Variants in DCTN1 observed in about 807,000 individuals in gnomAD.
DCTN1 encodes the protein 150 kDa dynein-associated polypeptide.
Under a neutral mutation model 161.2 loss-of-function variants are expected in DCTN1, and 61 were observed. The ratio of observed to expected loss-of-function variants is 0.38; its 90% CI spans 0.31 to 0.47. DCTN1 has a LOEUF of 0.47. DCTN1 is among the 20% of genes least tolerant of loss of function. DCTN1 has a pLI of 0.99. For synonymous variants in DCTN1, 653 were observed against 632.4 expected (o/e 1.03, Z -0.49); for missense variants, 1,404 against 1,623.7 (o/e 0.86, Z 2.33).
At position 74,362,088 on chromosome 2, in the gene DCTN1, A is replaced by C; in HGVS notation, c.3663T>G (p.Thr1221=). 6.2e-7 allele frequency: 1 copy of C among 1,613,874 alleles called. No homozygotes were observed. ...CTGATGAAGGGAAGGTGGCAAAGTCAGTGGGTACTGTGGCTCCAGGGCGCT... is the reference window on the plus strand; with the variant it reads ...CTGATGAAGGGAAGGTGGCAAAGTCCGTGGGTACTGTGGCTCCAGGGCGCT... ...VSQRPGATVP[T]DFATFPSSAF... Residue 1221 remains threonine, a synonymous_variant, in exon 31 of 32, where the codon ACT becomes ACG. Transcript: ENST00000628224.
chr2:74,369,508 T>C lies in DCTN1; in HGVS notation c.1393-17A>G, dbSNP rs1239574227. 5.6e-6 allele frequency: 9 copies of C among 1,609,726 alleles called. No individual in the cohort carries two copies. The highest frequency in any genetic ancestry group is 3.3e-5 in the Admixed American group (2 of 59,984). On this transcript the variant is annotated splice_polypyrimidine_tract_variant and intron_variant, in intron 13 of 31. Coordinates refer to ENST00000628224, the MANE Select transcript of DCTN1 (RefSeq NM_004082.5). The surrounding 1 kb of genome is among the most constrained non-coding windows in gnomAD (Gnocchi z 4.9). ...CATCGCTTCCTAGGACACCACACCA[T>C]AGTTTGGGCTAAAGAAAGGCAGGGT...
rs1486314155 is a variant in DCTN1 at position 74,377,689 on chromosome 2, G to T, written c.317C>A (p.Pro106Gln). 2.5e-6 allele frequency: 4 copies of T among 1,614,104 alleles called. No homozygotes were observed. The Admixed American group carries it at 6.7e-5, about 27-fold the overall frequency. ...VFEDGADTTS[P>Q]ETPDSSASKV... is the part of the protein sequence containing the mutation. ...TGAAGCAGAAGAATCAGGTGTCTCT[G>T]GGGAAGTAGTATCTGCTCCATCTTC... The change falls in exon 3 of 32, where the codon CCA becomes CAA. Residue 106 changes from proline to glutamine, a missense_variant. Coordinates refer to ENST00000628224, the MANE Select transcript of DCTN1 (RefSeq NM_004082.5).
rs549294474 is a variant in DCTN1, at chr2:74,363,235, T to A, written c.3346-58A>T. 5.1e-5 allele frequency: 82 copies of A among 1,614,054 alleles called. 1 individual carries two copies. In the South Asian group the frequency reaches 8.0e-4, roughly 16 times the overall value. The stretch of plus-strand genomic sequence containing the variant: ...GGTGCTAGGAGGCCCCTGTCATCTA[T>A]CATCAATGGGGCAAATATGCTCCAT... On this transcript the variant is annotated intron_variant, in intron 28 of 31. Coordinates refer to ENST00000628224, the MANE Select transcript of DCTN1 (RefSeq NM_004082.5).
In DCTN1 at chr2:74,374,304, C is replaced by T. The variant is rs375037820; in HGVS notation, c.432+19G>A. Reference sequence around the variant, plus strand: ...TTGCCCTGGCAACCCAGCAGCAGGACGAGAGCAAGCAAGAGTACCTTTCGG... The same window carrying T: ...TTGCCCTGGCAACCCAGCAGCAGGATGAGAGCAAGCAAGAGTACCTTTCGG... On this transcript the variant is annotated intron_variant, in intron 6 of 31. Transcript: ENST00000628224. 54 of 1,612,220 alleles carry T rather than the reference C, an allele frequency of 3.3e-5. 2 individuals are homozygous for T. Among genetic ancestry groups the T allele is most frequent in the South Asian group, 2.1e-4 (19 of 90,992 alleles).
Position 74,380,022 on chromosome 2 carries a change from T to G in DCTN1, c.16A>C (p.Arg6=). 1.2e-6 allele frequency: 2 copies of G among 1,614,120 alleles called. No individual in the cohort carries two copies. The highest frequency in any genetic ancestry group is 2.2e-5 in the South Asian group (2 of 91,076). Residue 6 remains arginine, a synonymous_variant, in exon 1 of 32, where the codon AGG becomes CGG. Coordinates refer to ENST00000628224, the MANE Select transcript of DCTN1 (RefSeq NM_004082.5). ...CCACTTACCCGGCTGTACACGTGCC[T>G]CTTGCTCTGTGCCATGTTGCTCACC... MAQSK[R]HVYSRTPSGS...
Position 74,380,198 on chromosome 2 carries a change from AC to A in DCTN1, c.-162del, listed in dbSNP as rs540615521. On this transcript the variant is annotated 5_prime_UTR_variant, in exon 1 of 32. Coordinates refer to ENST00000628224, the MANE Select transcript of DCTN1 (RefSeq NM_004082.5). ...CCATGGGCCTCACTCGGTGGCCTACACGGGTAGGGGTGGGGGCAGTGATGGG... is the reference window on the plus strand; with the variant it reads ...CCATGGGCCTCACTCGGTGGCCTACAGGGTAGGGGTGGGGGCAGTGATGGG... The A allele has an allele frequency of 2.6e-6, 2 of 760,748 alleles. No homozygotes were observed. The highest frequency in any genetic ancestry group is 2.9e-5 in the South Asian group (2 of 68,586). The allele number at this position is 760,748 out of a possible 1,614,324, so 47.1% of individuals were successfully genotyped here.
At position 74,367,070 on chromosome 2, in the gene DCTN1, A is replaced by G. The variant is rs890077655; in HGVS notation, c.2291T>C (p.Val764Ala). ...QSALDCMSVEVGRLRAFLQGG... is the reference protein window; with the variant it reads ...QSALDCMSVEAGRLRAFLQGG... ...CTGCAAGAAGGCACGCAGCCGTCCT[A>G]CCTCCACACTCATGCAGTCCAGAGC... Residue 764 changes from valine to alanine, a missense_variant, in exon 20 of 32, where the codon GTA becomes GCA. Val to Ala is a moderately conservative substitution (Grantham distance 64). Around this residue, in one of 9 missense-constraint regions of DCTN1, gnomAD observed 475 missense variants for 489.8 expected, o/e 0.97. Transcript: ENST00000628224. 1 of 1,614,072 alleles carries G rather than the reference A, an allele frequency of 6.2e-7. No homozygotes were observed. The highest frequency in any genetic ancestry group is 8.5e-7 in the Non-Finnish European group (1 of 1,180,038).
Position 74,365,670 on chromosome 2 carries a change from A to G in DCTN1, c.2887-13T>C. 6.2e-7 allele frequency: 1 copy of G among 1,614,116 alleles called. No individual in the cohort carries two copies. Among genetic ancestry groups the G allele is most frequent in the Admixed American group, 1.7e-5 (1 of 60,026 alleles). ...TTAGCTCCTCTCCCTGGACAAGGAC[A>G]GAACTTCTAGATCCCTGACATCCTC... On this transcript the variant is annotated splice_polypyrimidine_tract_variant and intron_variant, in intron 24 of 31. Coordinates refer to ENST00000628224, the MANE Select transcript of DCTN1 (RefSeq NM_004082.5).
chr2:74,374,198 C>G (rs776834883), intron 6 of DCTN1, 125 bp downstream of exon 6: 3 of 1,002,726 alleles, frequency 3.0e-6, no homozygotes, highest in Non-Finnish European at 4.6e-6. Context: ...AACCCACCTT[C>G]GTCCTCACCC....
intron 19 of DCTN1, 28 bp downstream of exon 19, chr2:74,367,324 G>C: frequency 6.2e-7 from 1 of 1,613,268 alleles, no homozygotes; most frequent in Non-Finnish European, 8.5e-7. Flanking sequence ...TCTCCACGGG[G>C]GCTCAATCAC....
chr2:74,365,010 G>A, intron 26 of DCTN1, 65 bp downstream of exon 26: 3 of 1,608,852 alleles, frequency 1.9e-6, no homozygotes, highest in South Asian at 1.1e-5. Flanking sequence ...AGGTCAAAAT[G>A]AGGCCAAGGA....
intron 5 of DCTN1, 123 bp from the exon 6 acceptor site, chr2:74,374,463 G>A (rs1675100575): frequency 5.8e-6 from 9 of 1,559,578 alleles, no homozygotes; most frequent in South Asian, 1.2e-5. Flanking sequence ...CCGAACAGAG[G>A]GAAAGGCGGC....
intron 18 of DCTN1, 54 bp downstream of exon 18, chr2:74,367,642 A>G: frequency 6.2e-7 from 1 of 1,612,386 alleles, no homozygotes. Context: ...AAGAGCCCCC[A>G]TCAAGTGAAA....
upstream of DCTN1, chr2:74,385,154 C>G (rs1488295558): frequency 2.0e-5 from 3 of 152,310 alleles, no homozygotes; most frequent in African/African-American, 7.2e-5. Context: ...CAAACCCACT[C>G]CCACTCTGAA....
In DCTN1 at chr2:74,365,520, C is replaced by T. The variant is rs755233616; in HGVS notation, c.3024G>A (p.Lys1008=). The T allele has an allele frequency of 5.0e-6, 8 of 1,613,982 alleles. No individual in the cohort carries two copies. The highest frequency in any genetic ancestry group is 1.7e-5 in the Admixed American group (1 of 60,004). ...LEETQALLRK[K]EKEFEETMDA... is the part of the protein sequence containing the mutation. ...CCCCAGGGAAAGTGCCTGACTTCTC[C>T]TTCTTTCGCAGCAGTGCCTGGGTCT... Residue 1008 remains lysine (K), a synonymous_variant, in exon 25 of 32, where the codon AAG becomes AAA. Coordinates refer to ENST00000628224, the MANE Select transcript of DCTN1 (RefSeq NM_004082.5).
chr2:74,367,006 A>G (rs1341511401), intron 20 of DCTN1, 39 bp downstream of exon 20: 1 of 1,614,174 alleles, frequency 6.2e-7, no homozygotes, highest in South Asian at 1.1e-5. Flanking sequence ...GAGGACTAAG[A>G]AAGAAGAGGA....
rs558309373 is a variant in DCTN1 at position 74,372,882 on chromosome 2, T to C, written c.453+46A>G. On this transcript the variant is annotated intron_variant, in intron 7 of 31. Transcript: ENST00000628224. ...CTCATACATCCACATGCCTGAAACGTGTGTGTACACTCAGCAGTGGCTCAC... is the reference window on the plus strand; with the variant it reads ...CTCATACATCCACATGCCTGAAACGCGTGTGTACACTCAGCAGTGGCTCAC... 3.7e-6 allele frequency: 6 copies of C among 1,605,216 alleles called. No individual in the cohort carries two copies. The Admixed American group carries it at 5.0e-5, about 13-fold the overall frequency.
Position 74,366,596 on chromosome 2 carries a change from T to C in DCTN1, c.2491A>G (p.Arg831Gly), listed in dbSNP as rs756388843. ...PQVSDTLLDC[R>G]KHLTWVVAVL... ...GCCACGACCCACGTCAAGTGTTTCC[T>C]GCAGTCTAGGAGCGTGTCAGATACC... Residue 831 changes from arginine to glycine, a missense_variant, in exon 22 of 32, where the codon AGG (arginine) becomes GGG (glycine). Arg to Gly is a moderately radical substitution (Grantham distance 125). Around this residue, in one of 9 missense-constraint regions of DCTN1, gnomAD observed 475 missense variants for 489.8 expected, o/e 0.97. Coordinates refer to ENST00000628224, the MANE Select transcript of DCTN1 (RefSeq NM_004082.5). 1.2e-6 allele frequency: 2 copies of C among 1,612,674 alleles called. No homozygotes were observed. Among genetic ancestry groups the C allele is most frequent in the Non-Finnish European group, 1.7e-6 (2 of 1,180,028 alleles).
Position 74,368,633 on chromosome 2 carries a change from G to A in DCTN1, c.1854+95C>T, listed in dbSNP as rs1355066644. 3.9e-5 allele frequency: 61 copies of A among 1,554,984 alleles called. No individual in the cohort carries two copies. In the Middle Eastern group the frequency reaches 5.0e-4, roughly 13 times the overall value. On this transcript the variant is annotated intron_variant, in intron 16 of 31. Transcript: ENST00000628224. ...TCCACTATACCATAAACTCTTTGTG[G>A]GCAGAGACTCTGTTGTCTTCACTCA...
Sources: allele counts gnomAD v4.1 joint callset, GRCh38; gene constraint gnomAD v4.1.1; regional missense constraint gnomAD v4.1.1; non-coding constraint Gnocchi (gnomAD v3.1); transcripts MANE v1.5; gene names NCBI Gene and HGNC (gene_info 2026-07-23, HGNC 2026-07-21).